Variants in MAMDC2 observed in about 807,000 individuals in gnomAD.
MAMDC2 encodes MAM domain containing 2, also known as MAM domain-containing protein 2.
In MAMDC2, 57 loss-of-function variants were observed where a neutral mutation model predicts 89.8. The ratio of observed to expected loss-of-function variants is 0.63; its 90% CI spans 0.51 to 0.79. The LOEUF is 0.79. Among genes scored for constraint, MAMDC2 ranks in the 30% least tolerant of loss-of-function variants. MAMDC2 has a pLI of 0.00. For missense variants in MAMDC2, 800 were observed against 820.6 expected (o/e 0.97, Z 0.31); for synonymous variants, 313 against 293.4 (o/e 1.07, Z -0.68).
At chr9:70,091,953 C>T (rs1163609787) in intron 2 of MAMDC2, among the ~76,000 whole-genome samples, 4 of 152,126 alleles carry the variant, frequency 2.6e-5, no homozygotes, top group South Asian at 2.1e-4. Flanking sequence ...TTCCAAATAA[C>T]GGGGACTTCA....
chr9:70,170,378 G>C, intron 10 of MAMDC2, 101 bp from the exon 11 acceptor site: 1 of 1,354,948 alleles, frequency 7.4e-7, no homozygotes, highest in Non-Finnish European at 1.0e-6. Flanking sequence ...CCATCGCATG[G>C]CATATGGCCA....
intron 11 of MAMDC2, among the ~76,000 whole-genome samples, chr9:70,204,529 C>G (rs1243397502): frequency 6.0e-5 from 9 of 149,774 alleles, no homozygotes; most frequent in Non-Finnish European, 1.5e-5. Flanking sequence ...GCCCTGCCCC[C>G]AGAGGTGGAG....
At chr9:70,193,691 A>C (rs2032926892) in intron 11 of MAMDC2, among the ~76,000 whole-genome samples, 1 of 152,178 alleles carries the variant, frequency 6.6e-6, no homozygotes, top group Admixed American at 6.5e-5. Flanking sequence ...ATAAACTCAA[A>C]GACTTGGCTA....
At chr9:70,057,483 T>A (rs1290608437) in intron 2 of MAMDC2, among the ~76,000 whole-genome samples, 1 of 152,182 alleles carries the variant, frequency 6.6e-6, no homozygotes, top group Non-Finnish European at 1.5e-5. Flanking sequence ...CAATAAAAAC[T>A]GCTAGAAGAT....
At chr9:70,176,234 G>A (rs2032496289) in intron 11 of MAMDC2, among the ~76,000 whole-genome samples, 1 of 152,156 alleles carries the variant, frequency 6.6e-6, no homozygotes, top group Non-Finnish European at 1.5e-5. Flanking sequence ...CACAGTCTAT[G>A]AAAATCTAAC....
intron 2 of MAMDC2, chr9:70,086,931 A>T (rs544505589): frequency 2.6e-5 from 4 of 152,246 alleles, no homozygotes; most frequent in South Asian, 4.1e-4. Context: ...TCAGAATGCA[A>T]GTCTGGGACT....
intron 4 of MAMDC2, among the ~76,000 whole-genome samples, chr9:70,112,575 C>T (rs1828539133): frequency 6.6e-6 from 1 of 152,162 alleles, no homozygotes; most frequent in African/African-American, 2.4e-5. Flanking sequence ...TAACCCTGAA[C>T]AGCTCTTTGA....
At chr9:70,191,220 T>A (rs1182533551) in intron 11 of MAMDC2, among the ~76,000 whole-genome samples, 2 of 152,106 alleles carry the variant, frequency 1.3e-5, no homozygotes, top group Non-Finnish European at 2.9e-5. Flanking sequence ...TGTGACAGTT[T>A]TTTTGCAAGT....
intron 9 of MAMDC2, among the ~76,000 whole-genome samples, chr9:70,146,224 G>A (rs983561743): frequency 5.9e-5 from 9 of 152,096 alleles, no homozygotes; most frequent in African/African-American, 2.2e-4. Flanking sequence ...TTCTTTGGAG[G>A]CCAACTACCA....
chr9:70,166,352 C>T (rs2032178675), intron 9 of MAMDC2, among the ~76,000 whole-genome samples: 1 of 151,350 alleles, frequency 6.6e-6, no homozygotes, highest in Non-Finnish European at 1.5e-5. Flanking sequence ...TATATACACA[C>T]ACACACATAT....
At chr9:70,221,494 A>G (rs1587584859) in intron 12 of MAMDC2, among the ~76,000 whole-genome samples, 2 of 148,784 alleles carry the variant, frequency 1.3e-5, no homozygotes, top group Non-Finnish European at 3.0e-5. Context: ...AGGCTGGGGG[A>G]AGCAGGAGCA....
intron 11 of MAMDC2, among the ~76,000 whole-genome samples, chr9:70,190,239 T>C (rs1229443210): frequency 6.6e-6 from 1 of 152,164 alleles, no homozygotes; most frequent in Non-Finnish European, 1.5e-5. Context: ...TTTTTTGTTA[T>C]TGCTGTTTGT....
At chr9:70,157,255 T>G (rs932699380) in intron 9 of MAMDC2, among the ~76,000 whole-genome samples, 2 of 152,216 alleles carry the variant, frequency 1.3e-5, no homozygotes, top group Non-Finnish European at 2.9e-5. Context: ...CACATTATTT[T>G]TTGATGCTCG....
At chr9:70,107,426 A>C (rs1481076347) in intron 2 of MAMDC2, among the ~76,000 whole-genome samples, 2 of 152,006 alleles carry the variant, frequency 1.3e-5, no homozygotes, top group African/African-American at 2.4e-5. Flanking sequence ...GGAAAAGGAG[A>C]AAGGAGGAAA....
intron 11 of MAMDC2, among the ~76,000 whole-genome samples, chr9:70,181,153 T>C (rs746506557): frequency 4.6e-5 from 7 of 152,086 alleles, no homozygotes; most frequent in Non-Finnish European, 8.8e-5. Context: ...TCAAAGATCA[T>C]ATGGTTGCAG....
At chr9:70,164,584 T>G (rs1004052419) in intron 9 of MAMDC2, among the ~76,000 whole-genome samples, 1 of 152,200 alleles carries the variant, frequency 6.6e-6, no homozygotes, top group African/African-American at 2.4e-5. Flanking sequence ...TTGCATAAAA[T>G]CAGGAATACC....
rs141759730 is a variant in MAMDC2 at position 70,124,609 on chromosome 9, C to T, written c.644-1550C>T. Among the ~76,000 whole-genome samples the T allele has an allele frequency of 1.3e-4, 20 of 152,286 alleles. No individual in the cohort carries two copies. The East Asian group carries it at 2.5e-3, about 19-fold the overall frequency. On this transcript the variant is annotated intron_variant, in intron 5 of 13. Transcript: ENST00000377182. ...AGCCCACCACATACCGGGCTATGTA[C>T]TAGATACACAGTAAATGTCCAGTGT...
At chr9:70,091,326 A>C (rs1827896582) in intron 2 of MAMDC2, among the ~76,000 whole-genome samples, 1 of 152,144 alleles carries the variant, frequency 6.6e-6, no homozygotes, top group South Asian at 2.1e-4. Flanking sequence ...ACAGGCCAAG[A>C]GCTGGACATG....
chr9:70,225,549 A>G (rs1349499436), intron 12 of MAMDC2, among the ~76,000 whole-genome samples: 26 of 152,132 alleles, frequency 1.7e-4, no homozygotes. Flanking sequence ...TCAAGGCTTC[A>G]GTAATTTATT....
Sources: gnomAD v4.1 joint callset for allele counts (sites outside exome capture counted in the v4.1 genomes callset) on GRCh38, gnomAD v4.1.1 for gene constraint, MANE v1.5 for transcripts, NCBI Gene and HGNC (gene_info 2026-07-23, HGNC 2026-07-21) for gene names.